RPS6KL1: variants seen among roughly 807,000 people sequenced by gnomAD.
RPS6KL1 encodes the protein ribosomal protein S6 kinase-like 1.
A neutral mutation model predicts 57.0 loss-of-function variants in RPS6KL1; 41 were observed. The ratio of observed to expected loss-of-function variants is 0.72; its 90% CI spans 0.56 to 0.93. The LOEUF is 0.93. RPS6KL1 is among the 40% of genes least tolerant of loss of function. The probability of loss-of-function intolerance (pLI) is 0.00; values close to 1 mark genes in which losing one functional copy is unlikely to be tolerated. For synonymous variants in RPS6KL1, 287 were observed against 309.7 expected (o/e 0.93, Z 0.77); for missense variants, 697 against 727.7 (o/e 0.96, Z 0.49).
At chr14:74,910,959 C>T in intron 7 of RPS6KL1, 1 of 352,706 alleles carries the variant, frequency 2.8e-6, no homozygotes, top group South Asian at 2.3e-5. Flanking sequence ...GCAACCTCCA[C>T]CTCCCGGGTT....
intron 4 of RPS6KL1, among the ~76,000 whole-genome samples, chr14:74,918,983 C>A (rs987334691): frequency 6.6e-6 from 1 of 152,212 alleles, no homozygotes; most frequent in Non-Finnish European, 1.5e-5. Context: ...TGAGATCAGC[C>A]TGGCCAACAT....
intron 8 of RPS6KL1, 174 bp downstream of exon 8, chr14:74,909,369 A>G: frequency 9.8e-7 from 1 of 1,019,706 alleles, no homozygotes; most frequent in Non-Finnish European, 1.4e-6. Flanking sequence ...CACAGAGCCC[A>G]CAGGGTACTC....
chr14:74,911,328 T>C lies in RPS6KL1; in HGVS notation c.584A>G (p.His195Arg). 5 of 1,611,664 alleles carry C rather than the reference T, an allele frequency of 3.1e-6. No individual in the cohort carries two copies. Among genetic ancestry groups the C allele is most frequent in the Non-Finnish European group, 3.4e-6 (4 of 1,179,896 alleles). Residue 195 changes from histidine to arginine, a missense_variant, in exon 7 of 12, where the codon CAC (histidine) becomes CGC (arginine). Coordinates refer to ENST00000557413, the MANE Select transcript of RPS6KL1 (RefSeq NM_031464.5). ...VSRERLTIIP[H>R]GVPYMTKLLR... ...CAGCTTCGTCATGTAGGGGACTCCG[T>C]GTGGGATGATGGTCAGCCGCTCCCT...
chr14:74,907,330 CAGA>C, intron 11 of RPS6KL1, 102 bp downstream of exon 11: 1 of 1,491,522 alleles, frequency 6.7e-7, no homozygotes, highest in Non-Finnish European at 8.9e-7. Flanking sequence ...GCACCCACAT[CAGA>C]CACTGAGCAC....
At position 74,922,442 on chromosome 14, in the gene RPS6KL1, C is replaced by A; in HGVS notation, c.-485G>T. The A allele has an allele frequency of 1.5e-6, 1 of 651,944 alleles. No homozygotes were observed. The highest frequency in any genetic ancestry group is 1.9e-6 in the Non-Finnish European group (1 of 524,340). 40.4% of individuals were successfully genotyped at this position (651,944 alleles called of 1,614,324 possible). ...GTGTGGTCAGCGAGTGAGGACCCCT[C>A]CTGGAGCCAGCAGAGAGCAGAGCAC... On this transcript the variant is annotated 5_prime_UTR_variant, in exon 2 of 12. Transcript: ENST00000557413.
intron 5 of RPS6KL1, among the ~76,000 whole-genome samples, chr14:74,914,154 C>A (rs1011641450): frequency 6.6e-6 from 1 of 152,252 alleles, no homozygotes; most frequent in African/African-American, 2.4e-5. Context: ...TCAGCAGGAG[C>A]GAGGTGTCCT....
chr14:74,912,914 C>G (rs1196117399), intron 5 of RPS6KL1, among the ~76,000 whole-genome samples: 1 of 152,222 alleles, frequency 6.6e-6, no homozygotes, highest in Non-Finnish European at 1.5e-5. Flanking sequence ...GGGCGGGCCC[C>G]AGCATAGGAG....
At chr14:74,914,041 A>G (rs1040162179) in intron 5 of RPS6KL1, among the ~76,000 whole-genome samples, 3 of 152,242 alleles carry the variant, frequency 2.0e-5, no homozygotes, top group Non-Finnish European at 4.4e-5. Flanking sequence ...AACTGGGGGC[A>G]CAACCAGGTG....
chr14:74,921,238 T>TTGCCCCCCCCCCCC, intron 3 of RPS6KL1, 39 bp downstream of exon 3: 9 of 840,168 alleles, frequency 1.1e-5, no homozygotes, highest in East Asian at 5.3e-5. Context: ...CACTGGCCCT[T>TTGCCCCCCCCCCCC]CCCCACCCAC....
At chr14:74,911,562 A>C in intron 6 of RPS6KL1, 182 bp from the exon 7 acceptor site, 2 of 718,056 alleles carry the variant, frequency 2.8e-6, no homozygotes, top group Non-Finnish European at 4.6e-6. Flanking sequence ...CCTCTAGCCA[A>C]AGAGGGGGCA....
chr14:74,922,489 T>C lies in RPS6KL1; in HGVS notation c.-528-4A>G, dbSNP rs533404453. ...GCACAGAGCTGGGCTGTAAGAACTG[T>C]TGGCAGACGGAATGACTGAGTGGCA... On this transcript the variant is annotated splice_polypyrimidine_tract_variant and splice_region_variant and intron_variant, in intron 1 of 11. Transcript: ENST00000557413. 3 of 284,700 alleles carry C rather than the reference T, an allele frequency of 1.1e-5. No homozygotes were observed. Among genetic ancestry groups the C allele is most frequent in the Admixed American group, 6.5e-5 (1 of 15,450 alleles). 17.6% of individuals were successfully genotyped at this position (284,700 alleles called of 1,614,324 possible). A position where few individuals can be genotyped will look rare whatever the true frequency, so the allele number is the denominator to read the frequency against.
chr14:74,922,697 G>C (rs899353250), intron 1 of RPS6KL1, among the ~76,000 whole-genome samples: 1 of 152,248 alleles, frequency 6.6e-6, no homozygotes, highest in African/African-American at 2.4e-5. Flanking sequence ...GTGGCTGCGG[G>C]AAGGGAAGGG....
At chr14:74,917,945 G>C (rs777787088) in intron 5 of RPS6KL1, among the ~76,000 whole-genome samples, 2 of 152,120 alleles carry the variant, frequency 1.3e-5, no homozygotes, top group African/African-American at 2.4e-5. Context: ...GCGGGAAGTG[G>C]GAGTGAGCAG....
At position 74,908,892 on chromosome 14, in the gene RPS6KL1, C is replaced by G. The variant is rs949916007; in HGVS notation, c.1401G>C (p.Trp467Cys). 9.3e-6 allele frequency: 15 copies of G among 1,614,042 alleles called. No individual in the cohort carries two copies. Among genetic ancestry groups the G allele is most frequent in the Non-Finnish European group, 1.3e-5 (15 of 1,180,022 alleles). The change falls in exon 10 of 12, where the codon TGG becomes TGC. Residue 467 changes from tryptophan (W) to cysteine (C), a missense_variant. Transcript: ENST00000557413. ...CATACAGTAGAGACCCAAAGCTCCA[C>G]CAGTCACAGGCTTCCGTCAGCTCGG... is the stretch of plus-strand genomic sequence containing the variant. ...GISELTEACDWWSFGSLLYEL... is the reference protein window; with the variant it reads ...GISELTEACDCWSFGSLLYEL...
chr14:74,921,794 T>C, intron 2 of RPS6KL1, 184 bp downstream of exon 2: 1 of 1,264,854 alleles, frequency 7.9e-7, no homozygotes, highest in Non-Finnish European at 1.0e-6. Flanking sequence ...TTTTTTTTTT[T>C]TGAGTCAGAG....
At chr14:74,907,566 AC>A (rs112893774) in intron 10 of RPS6KL1, 36 bp from the exon 11 acceptor site, 32 of 1,536,118 alleles carry the variant, frequency 2.1e-5, no homozygotes, top group African/African-American at 1.8e-4. Context: ...TGAGGAGGCA[AC>A]CCCAGGACCG....
Position 74,905,733 on chromosome 14 carries a change from C to T in RPS6KL1, c.*1281G>A, listed in dbSNP as rs1884689768. The T allele has an allele frequency of 6.6e-6, 1 of 152,290 alleles. No homozygotes were observed. The allele number at this position is 152,290 out of a possible 1,614,324, so 9.4% of individuals were successfully genotyped here. On this transcript the variant is annotated 3_prime_UTR_variant, in exon 12 of 12. Coordinates refer to ENST00000557413, the MANE Select transcript of RPS6KL1 (RefSeq NM_031464.5). ...GAGTCATGTACAGGCTGCGCTTTCA[C>T]TTGTCTTCTCTGTCTCAGTCTCCTG...
chr14:74,907,014 T>C lies in RPS6KL1; in HGVS notation c.1650A>G (p.Ter550=), dbSNP rs1885004316. The change falls in exon 12 of 12, where the codon TAA becomes TAG. Residue 550 remains the stop codon, a stop_retained_variant. Transcript: ENST00000557413. ...STIQWSKLVG[*] ...TGCTTCCGTCACCCGCTCTGCCCTC[T>C]TACCCCACCAGCTTGCTCCATTGGA... is the stretch of plus-strand genomic sequence containing the variant. The C allele has an allele frequency of 1.9e-6, 3 of 1,607,358 alleles. No individual in the cohort carries two copies. Among genetic ancestry groups the C allele is most frequent in the African/African-American group, 2.7e-5 (2 of 74,772 alleles).
In RPS6KL1 at chr14:74,918,607, T is replaced by G. The variant is rs1887264556; in HGVS notation, c.391-2A>C. On this transcript the variant is annotated splice_acceptor_variant, in intron 4 of 11. Transcript: ENST00000557413. LOFTEE classifies it high-confidence loss of function. Reference sequence around the variant, plus strand: ...CCGGAGCCTCAGGCTGCTGAAACCCTGCAGAGGAGGGAGACAGGCCACACA... The same window carrying G: ...CCGGAGCCTCAGGCTGCTGAAACCCGGCAGAGGAGGGAGACAGGCCACACA... 1 of 1,533,182 alleles carries G rather than the reference T, an allele frequency of 6.5e-7. No individual in the cohort carries two copies. The highest frequency in any genetic ancestry group is 2.0e-5 in the Admixed American group (1 of 50,648). 95.0% of individuals were successfully genotyped at this position (1,533,182 alleles called of 1,614,324 possible).
Sources: allele counts gnomAD v4.1 joint callset (sites outside exome capture counted in the v4.1 genomes callset), GRCh38; gene constraint gnomAD v4.1.1; transcripts MANE v1.5; gene names NCBI Gene and HGNC (gene_info 2026-07-23, HGNC 2026-07-21).